EML5: variants seen among roughly 807,000 people sequenced by gnomAD.
EML5 encodes the protein echinoderm microtubule-associated protein-like 5.
A neutral mutation model predicts 250.0 loss-of-function variants in EML5; 120 were observed. The ratio of observed to expected loss-of-function variants is 0.48; its 90% CI spans 0.41 to 0.56. The LOEUF is 0.56. Among genes scored for constraint, EML5 ranks in the 20% least tolerant of loss-of-function variants. EML5 has a pLI of 0.00. For synonymous variants in EML5, 771 were observed against 806.5 expected (o/e 0.96, Z 0.75); for missense variants, 2,006 against 2,437.6 (o/e 0.82, Z 3.73).
intron 13 of EML5, among the ~76,000 whole-genome samples, chr14:88,703,851 G>A (rs537369578): frequency 6.6e-6 from 1 of 152,246 alleles, no homozygotes; most frequent in South Asian, 2.1e-4. Flanking sequence ...ATATTGAGGG[G>A]AGATGATTAT....
intron 5 of EML5, among the ~76,000 whole-genome samples, chr14:88,739,899 A>G (rs28439300): frequency 0.11 from 16,532 of 152,194 alleles, 989 homozygotes; most frequent in African/African-American, 0.13. Flanking sequence ...TGTTAACAAC[A>G]TGGCAGCTTT....
intron 21 of EML5, among the ~76,000 whole-genome samples, chr14:88,672,817 A>T (rs1224716259): frequency 6.6e-6 from 1 of 152,078 alleles, no homozygotes; most frequent in Non-Finnish European, 1.5e-5. Context: ...GGACACATAC[A>T]CTCTCCAAAG....
chr14:88,723,941 A>G (rs1021858836), intron 8 of EML5, among the ~76,000 whole-genome samples: 8 of 152,008 alleles, frequency 5.3e-5, no homozygotes, highest in Admixed American at 3.3e-4. Context: ...TTTTCTTCCA[A>G]CTCTAACATA....
At chr14:88,616,033 T>G (rs1286124503) in intron 43 of EML5, 109 bp downstream of exon 43, 23 of 1,320,244 alleles carry the variant, frequency 1.7e-5, no homozygotes, top group Non-Finnish European at 2.2e-5. Flanking sequence ...TACTACCTTC[T>G]ACTAATGTTG....
chr14:88,693,819 T>G (rs115414047), intron 17 of EML5, among the ~76,000 whole-genome samples: 1,407 of 139,222 alleles, frequency 0.01, 25 homozygotes, highest in African/African-American at 0.036. Context: ...TTGCCCAGGC[T>G]GCAGTGCAGT....
At chr14:88,698,378 T>G (rs1347538519) in intron 14 of EML5, among the ~76,000 whole-genome samples, 4 of 151,430 alleles carry the variant, frequency 2.6e-5, no homozygotes, top group African/African-American at 9.7e-5. Flanking sequence ...TGATCCTCCT[T>G]GTCTCAACTT....
chr14:88,647,617 G>A (rs1595361809), intron 28 of EML5, among the ~76,000 whole-genome samples: 1 of 138,436 alleles, frequency 7.2e-6, no homozygotes, highest in East Asian at 2.3e-4. Context: ...ACTTGACCTG[G>A]AAGGTCAAGG....
chr14:88,625,794 C>A (rs1459498892), intron 35 of EML5: 1 of 152,122 alleles, frequency 6.6e-6, no homozygotes, highest in Non-Finnish European at 1.5e-5. Context: ...TAGTCTTTTT[C>A]TCAAAAATGT....
intron 21 of EML5, among the ~76,000 whole-genome samples, chr14:88,677,642 A>G (rs185089655): frequency 6.6e-6 from 1 of 152,374 alleles, no homozygotes; most frequent in East Asian, 1.9e-4. Context: ...AAAGGACATA[A>G]GCAGACAATT....
At chr14:88,696,704 A>G in intron 15 of EML5, 143 bp downstream of exon 15, 1 of 447,380 alleles carries the variant, frequency 2.2e-6, no homozygotes, top group African/African-American at 2.0e-5. Flanking sequence ...ATAGTATTTG[A>G]TAAGGATAAC....
chr14:88,652,492 T>C (rs2091676801), intron 27 of EML5, among the ~76,000 whole-genome samples: 1 of 152,192 alleles, frequency 6.6e-6, no homozygotes, highest in Non-Finnish European at 1.5e-5. Flanking sequence ...GAAGCTTTCC[T>C]GTAGTCATTT....
intron 14 of EML5, among the ~76,000 whole-genome samples, chr14:88,698,985 C>G (rs1448993790): frequency 2.0e-5 from 3 of 151,998 alleles, no homozygotes; most frequent in African/African-American, 7.2e-5. Flanking sequence ...AGGTAATTTG[C>G]CAGTAGCGAA....
chr14:88,721,742 T>C (rs912974368), intron 8 of EML5, among the ~76,000 whole-genome samples: 4 of 152,040 alleles, frequency 2.6e-5, no homozygotes, highest in African/African-American at 9.7e-5. Flanking sequence ...TAAAAGCAGC[T>C]GCAACAAAAC....
In EML5 at chr14:88,722,702, C is replaced by T. The variant is rs1475733619; in HGVS notation, c.1187+3839G>A. ...TATGCCTAGTGCTCCATTACTGGAA[C>T]GCTAAGCTTGTGGGAATTATTTATA... On this transcript the variant is annotated intron_variant, in intron 8 of 43. Coordinates refer to ENST00000554922, the MANE Select transcript of EML5 (RefSeq NM_183387.3). Among the ~76,000 whole-genome samples, 19 of 151,940 alleles carry T rather than the reference C, an allele frequency of 1.3e-4. 1 individual carries two copies. The highest frequency in any genetic ancestry group is 1.1e-3 in the Admixed American group (17 of 15,238).
chr14:88,727,401 A>ATT (rs3055841), intron 7 of EML5, among the ~76,000 whole-genome samples: 46,762 of 131,450 alleles, frequency 0.36, 9,703 homozygotes, highest in East Asian at 0.54. Context: ...GATACACTGC[A>ATT]TTTTTTTTTT....
chr14:88,746,550 C>T (rs1395869176), intron 2 of EML5, among the ~76,000 whole-genome samples: 3 of 151,886 alleles, frequency 2.0e-5, no homozygotes, highest in South Asian at 2.1e-4. Flanking sequence ...TACCTCCTAC[C>T]AAAAACTAAA....
At chr14:88,700,600 C>T (rs955132278) in intron 14 of EML5, among the ~76,000 whole-genome samples, 18 of 152,228 alleles carry the variant, frequency 1.2e-4, no homozygotes, top group African/African-American at 4.1e-4. Flanking sequence ...CTTATTACTG[C>T]AAACCCATTA....
At chr14:88,631,667 G>C (rs2090445997) in intron 33 of EML5, among the ~76,000 whole-genome samples, 1 of 152,176 alleles carries the variant, frequency 6.6e-6, no homozygotes, top group South Asian at 2.1e-4. Flanking sequence ...CTACTTGGGA[G>C]GCTGAGGCAG....
chr14:88,762,306 T>G (rs2094256122), intron 1 of EML5, among the ~76,000 whole-genome samples: 1 of 151,650 alleles, frequency 6.6e-6, no homozygotes, highest in Non-Finnish European at 1.5e-5. Context: ...AGGTCGGGAG[T>G]TCGAGACTAG....
Sources: gnomAD v4.1 joint callset for allele counts (sites outside exome capture counted in the v4.1 genomes callset) on GRCh38, gnomAD v4.1.1 for gene constraint, MANE v1.5 for transcripts, NCBI Gene and HGNC (gene_info 2026-07-23, HGNC 2026-07-21) for gene names.